The following LAMC2 variants were observed in gnomAD, a reference collection of about 807,000 sequenced individuals.
LAMC2 encodes the protein laminin subunit gamma-2.
In LAMC2, 97 loss-of-function variants were observed where a neutral mutation model predicts 140.2. The observed-to-expected ratio is 0.69, with a 90% CI of 0.59 to 0.82. The LOEUF (loss-of-function observed/expected upper bound fraction) is 0.82, where lower values mean the gene tolerates loss of function less well. LAMC2 is among the 40% of genes least tolerant of loss of function. The pLI is 0.00. For synonymous variants in LAMC2, 513 were observed against 540.2 expected (o/e 0.95, Z 0.70); for missense variants, 1,402 against 1,476.1 (o/e 0.95, Z 0.82).
Position 183,232,732 on chromosome 1 carries a change from A to T in LAMC2, c.2095A>T (p.Lys699Ter). ...NSYQSRLDDL[K>*]MTVERVRALG... ...CTACCAGAGCCGCCTGGATGACCTC[A>T]AGATGACTGTGGAAAGAGTTCGGGC... is the stretch of plus-strand genomic sequence containing the variant. The change falls in exon 14 of 23, where the codon AAG becomes TAG. Residue 699 changes from lysine (K) to a stop codon, truncating the protein, a stop_gained. Coordinates refer to ENST00000264144, the MANE Select transcript of LAMC2 (RefSeq NM_005562.3). LOFTEE classifies it high-confidence loss of function. 1 of 1,614,026 alleles carries T rather than the reference A, an allele frequency of 6.2e-7. No homozygotes were observed. The highest frequency in any genetic ancestry group is 8.5e-7 in the Non-Finnish European group (1 of 1,179,972).
chr1:183,216,242 CA>C (rs568881614), intron 3 of LAMC2, among the ~76,000 whole-genome samples: 234 of 152,280 alleles, frequency 1.5e-3, no homozygotes, highest in African/African-American at 5.5e-3. Context: ...AGCCATACTG[CA>C]TTGTCCCAGT....
rs1659523882 is a variant in LAMC2 at position 183,223,168 on chromosome 1, G to A, written c.797G>A (p.Gly266Asp). The A allele has an allele frequency of 6.2e-7, 1 of 1,614,130 alleles. No homozygotes were observed. Among genetic ancestry groups the A allele is most frequent in the Non-Finnish European group, 8.5e-7 (1 of 1,180,026 alleles). ...CTTGGGAATCAACAGGTGAGCTATG[G>A]TCAAAGCCTGTCCTTTGACTACCGT... ...KFLGNQQVSYGQSLSFDYRVD... is the reference protein window; with the variant it reads ...KFLGNQQVSYDQSLSFDYRVD... The change falls in exon 7 of 23, where the codon GGT (glycine) becomes GAT (aspartate). Residue 266 changes from glycine (G) to aspartate (D), a missense_variant. This residue lies in a region of LAMC2 where 723 missense variants were observed against 783.3 expected (regional missense o/e 0.92). Transcript: ENST00000264144.
Position 183,186,582 on chromosome 1 carries a change from C to A in LAMC2, c.79+151C>A, listed in dbSNP as rs61418038. The stretch of plus-strand genomic sequence containing the variant: ...TTCTCCTCCCCTATCTGGGGCTCCT[C>A]CAGAGACGGATTTTAAATGAGACTA... On this transcript the variant is annotated intron_variant, in intron 1 of 22. Transcript: ENST00000264144. The A allele has an allele frequency of 0.52, 397,178 of 764,098 alleles. 107,680 individuals are homozygous for A. Among genetic ancestry groups the A allele is most frequent in the East Asian group, 0.75 (27,515 of 36,606 alleles). The allele number at this position is 764,098 out of a possible 1,614,324, so 47.3% of individuals were successfully genotyped here. A position where few individuals can be genotyped will look rare whatever the true frequency, so the allele number is the denominator to read the frequency against.
At position 183,228,345 on chromosome 1, in the gene LAMC2, C is replaced by T. The variant is rs769995429; in HGVS notation, c.1469-29C>T. 9.9e-6 allele frequency: 16 copies of T among 1,613,958 alleles called. No homozygotes were observed. Among genetic ancestry groups the T allele is most frequent in the Non-Finnish European group, 1.3e-5 (15 of 1,180,014 alleles). ...TGGTCTTCCTCCTGATGGATGTCGA[C>T]CTAGGCTTGGTCATTTGTTCCTTCC... is the stretch of plus-strand genomic sequence containing the variant. On this transcript the variant is annotated intron_variant, in intron 10 of 22. Transcript: ENST00000264144. The surrounding 1 kb of genome is among the most constrained non-coding windows in gnomAD (Gnocchi z 4.3).
chr1:183,223,993 G>C (rs893031585), intron 7 of LAMC2, among the ~76,000 whole-genome samples: 2 of 152,150 alleles, frequency 1.3e-5, no homozygotes, highest in African/African-American at 4.8e-5. Flanking sequence ...GATGGAACAT[G>C]GTCTTTGCCT....
chr1:183,218,252 C>T (rs1359892287), intron 3 of LAMC2, 138 bp from the exon 4 acceptor site: 8 of 725,192 alleles, frequency 1.1e-5, no homozygotes, highest in East Asian at 2.7e-5. Context: ...TCCGCACGGG[C>T]GAGGATGGCT....
chr1:183,198,189 T>C (rs1658584830), intron 1 of LAMC2, among the ~76,000 whole-genome samples: 1 of 150,286 alleles, frequency 6.7e-6, no homozygotes, highest in Non-Finnish European at 1.5e-5. Context: ...GTCGCCAGGC[T>C]GGAGTGCAGT....
chr1:183,254,166 GT>G, the LAMC2 span, among the ~76,000 whole-genome samples: 6 of 152,050 alleles, frequency 3.9e-5, no homozygotes, highest in Admixed American at 6.6e-5. Context: ...CCTCTATTCT[GT>G]TTTCTATAAC....
chr1:183,200,201 G>T (rs1387067349), intron 1 of LAMC2, among the ~76,000 whole-genome samples: 1 of 152,076 alleles, frequency 6.6e-6, no homozygotes, highest in African/African-American at 2.4e-5. Context: ...GACCAGCCTG[G>T]CCAACATAGT....
chr1:183,192,792 C>T (rs1420597966), intron 1 of LAMC2, among the ~76,000 whole-genome samples: 2 of 152,190 alleles, frequency 1.3e-5, no homozygotes, highest in South Asian at 4.1e-4. Flanking sequence ...AACCTCCCCG[C>T]CTCCCAGCTT....
rs1365540729 is a variant in LAMC2 at position 183,222,214 on chromosome 1, A to T, written c.763+3A>T. ...CCCTGTCTATTTTGTGGCTCCTGGT[A>T]TGTGAGGAATAATGTCTCCTATAGA... On this transcript the variant is annotated splice_donor_region_variant and intron_variant, in intron 6 of 22. Transcript: ENST00000264144. 2 of 1,613,972 alleles carry T rather than the reference A, an allele frequency of 1.2e-6. No individual in the cohort carries two copies. The highest frequency in any genetic ancestry group is 8.5e-7 in the Non-Finnish European group (1 of 1,179,866).
chr1:183,212,451 T>C (rs1659101316), intron 2 of LAMC2, among the ~76,000 whole-genome samples: 2 of 152,116 alleles, frequency 1.3e-5, no homozygotes, highest in African/African-American at 4.8e-5. Context: ...CCTCCTCCCC[T>C]CACCCTCCTT....
intron 2 of LAMC2, among the ~76,000 whole-genome samples, chr1:183,208,434 C>G (rs904156596): frequency 6.6e-6 from 1 of 152,160 alleles, no homozygotes; most frequent in Non-Finnish European, 1.5e-5. Context: ...TGCACTCTTT[C>G]AGGGATAGTT....
intron 14 of LAMC2, among the ~76,000 whole-genome samples, chr1:183,233,955 C>T (rs1469749724): frequency 1.3e-5 from 2 of 150,110 alleles, no homozygotes; most frequent in East Asian, 2.0e-4. Context: ...GGTGCGATCT[C>T]GGCTCACTGC....
rs200039434 is a variant in LAMC2, at chr1:183,226,690, G to C, written c.1067-8G>C. On this transcript the variant is annotated splice_polypyrimidine_tract_variant and splice_region_variant and intron_variant, in intron 8 of 22. Transcript: ENST00000264144. ...CTTGCAACTTCTAACCTGTTCTCTCGATTGCAGGTACTGGGTACATTGACA... is the reference window on the plus strand; with the variant it reads ...CTTGCAACTTCTAACCTGTTCTCTCCATTGCAGGTACTGGGTACATTGACA... 6.2e-7 allele frequency: 1 copy of C among 1,612,562 alleles called. No individual in the cohort carries two copies.
chr1:183,210,018 G>T (rs1049749719), intron 2 of LAMC2, among the ~76,000 whole-genome samples: 3 of 151,984 alleles, frequency 2.0e-5, no homozygotes, highest in African/African-American at 7.3e-5. Context: ...GCCAACCCTG[G>T]GCCAGGCACT....
chr1:183,197,995 G>T lies in LAMC2; in HGVS notation c.80-9886G>T, dbSNP rs190731434. On this transcript the variant is annotated intron_variant, in intron 1 of 22. Transcript: ENST00000264144. Reference sequence around the variant, plus strand: ...CAGTATGACATCATTGTATCCAAGGGAAGAGAGTTGCACAAAGGAAGGAGG... The same window carrying T: ...CAGTATGACATCATTGTATCCAAGGTAAGAGAGTTGCACAAAGGAAGGAGG... 2.0e-4 allele frequency among the ~76,000 whole-genome samples: 31 copies of T among 152,176 alleles called. No individual in the cohort carries two copies. In the East Asian group the frequency reaches 6.0e-3, roughly 29 times the overall value.
intron 22 of LAMC2, chr1:183,241,390 A>G: frequency 1.1e-6 from 1 of 874,966 alleles, no homozygotes; most frequent in Non-Finnish European, 1.4e-6. Flanking sequence ...ATGTGATGAG[A>G]GTAGGCCTGT....
chr1:183,247,633 G>A (rs1012456578), downstream of LAMC2, among the ~76,000 whole-genome samples: 4 of 151,878 alleles, frequency 2.6e-5, no homozygotes, highest in Admixed American at 6.6e-5. Context: ...ATCCTTCAAT[G>A]AGCCAGCCTA....
Sources: gnomAD v4.1 joint callset for allele counts (sites outside exome capture counted in the v4.1 genomes callset) on GRCh38, gnomAD v4.1.1 for gene constraint, gnomAD v4.1.1 regional missense constraint, Gnocchi (gnomAD v3.1) non-coding constraint, MANE v1.5 for transcripts, NCBI Gene and HGNC (gene_info 2026-07-23, HGNC 2026-07-21) for gene names.